Variants in LRP1 observed in about 807,000 individuals in gnomAD.
The protein encoded by LRP1 is LDL receptor related protein 1.
Under a neutral mutation model 541.5 loss-of-function variants are expected in LRP1, and 51 were observed. The ratio of observed to expected loss-of-function variants is 0.09; its 90% CI spans 0.08 to 0.12. The LOEUF (loss-of-function observed/expected upper bound fraction) is 0.12, where lower values mean the gene tolerates loss of function less well. Among genes scored for constraint, LRP1 ranks in the 10% least tolerant of loss-of-function variants. The pLI is 1.00. For synonymous variants in LRP1, 2,219 were observed against 2,470.8 expected (o/e 0.90, Z 3.02); for missense variants, 3,878 against 6,376.2 (o/e 0.61, Z 13.34).
Position 57,185,480 on chromosome 12 carries a change from G to A in LRP1, c.6464-51G>A. The A allele has an allele frequency of 6.6e-7, 1 of 1,520,388 alleles. No homozygotes were observed. The highest frequency in any genetic ancestry group is 8.8e-7 in the Non-Finnish European group (1 of 1,137,200). 94.2% of individuals were successfully genotyped at this position (1,520,388 alleles called of 1,614,324 possible). On this transcript the variant is annotated intron_variant, in intron 40 of 88. Transcript: ENST00000243077. This position sits in a 1 kb window ranked among gnomAD's most constrained non-coding sequence, Gnocchi z 4.9. ...CAAAGCCTGGATGACAAAGGCACCAGTGAGCCTTTCCCAAGGCAGGCCCTG... is the reference window on the plus strand; with the variant it reads ...CAAAGCCTGGATGACAAAGGCACCAATGAGCCTTTCCCAAGGCAGGCCCTG...
At chr12:57,167,604 C>G (rs2035865397) in intron 19 of LRP1, 80 bp downstream of exon 19, 1 of 1,145,594 alleles carries the variant, frequency 8.7e-7, no homozygotes, top group South Asian at 1.2e-5. Context: ...AGGCAAAGGG[C>G]TTCAGAATCC....
At position 57,194,714 on chromosome 12, in the gene LRP1, C is replaced by T. The variant is rs1312146999; in HGVS notation, c.8191+15C>T. 2 of 1,538,614 alleles carry T rather than the reference C, an allele frequency of 1.3e-6. No individual in the cohort carries two copies. Among genetic ancestry groups the T allele is most frequent in the Non-Finnish European group, 8.7e-7 (1 of 1,142,870 alleles). ...GACCCACTGCAGTGAGTGACCACTG[C>T]ACCCACTCAGTGCTCCAAGAGCCTG... On this transcript the variant is annotated intron_variant, in intron 50 of 88. Transcript: ENST00000243077.
intron 58 of LRP1, 135 bp from the exon 59 acceptor site, chr12:57,198,021 T>TG: frequency 1.4e-6 from 1 of 736,268 alleles, no homozygotes; most frequent in South Asian, 1.9e-5. Flanking sequence ...GGCATTTTAC[T>TG]TCCATGGTTC....
At position 57,205,881 on chromosome 12, in the gene LRP1, G is replaced by C. The variant is rs1339171392; in HGVS notation, c.11590+204G>C. ...GGCTGGCTGACTGAAGGAGTCTGGG[G>C]TGTGGCAGTGCTCTGAATTGCACAC... On this transcript the variant is annotated intron_variant, in intron 75 of 88. Transcript: ENST00000243077. The surrounding 1 kb of genome is among the most constrained non-coding windows in gnomAD (Gnocchi z 4.6). 1.4e-6 allele frequency: 1 copy of C among 704,144 alleles called. No individual in the cohort carries two copies. The highest frequency in any genetic ancestry group is 2.8e-5 in the East Asian group (1 of 36,360). The allele number at this position is 704,144 out of a possible 1,614,324, so 43.6% of individuals were successfully genotyped here. A position where few individuals can be genotyped will look rare whatever the true frequency, so the allele number is the denominator to read the frequency against.
chr12:57,146,356 C>T (rs1001635431), intron 6 of LRP1: 17 of 152,216 alleles, frequency 1.1e-4, no homozygotes, highest in Non-Finnish European at 1.8e-4. Flanking sequence ...AACCAGAATT[C>T]CCATCTCTGC....
rs952417178 is a variant in LRP1 at position 57,173,516 on chromosome 12, G to A, written c.3346+166G>A. Among the ~76,000 whole-genome samples the A allele has an allele frequency of 1.3e-5, 2 of 152,192 alleles. No individual in the cohort carries two copies. Among genetic ancestry groups the A allele is most frequent in the African/African-American group, 4.8e-5 (2 of 41,442 alleles). On this transcript the variant is annotated intron_variant, in intron 21 of 88. Coordinates refer to ENST00000243077, the MANE Select transcript of LRP1 (RefSeq NM_002332.3). This position sits in a 1 kb window ranked among gnomAD's most constrained non-coding sequence, Gnocchi z 4.7. Reference sequence around the variant, plus strand: ...CAGAGGAAGCTTGTGTGTCATGGGTGGGGGAAGGCATGAAGGGCCAGAGCC... The same window carrying A: ...CAGAGGAAGCTTGTGTGTCATGGGTAGGGGAAGGCATGAAGGGCCAGAGCC...
Position 57,162,697 on chromosome 12 carries a change from C to T in LRP1, c.2405-161C>T, listed in dbSNP as rs990452490. Among the ~76,000 whole-genome samples the T allele has an allele frequency of 1.1e-4, 16 of 152,156 alleles. No individual in the cohort carries two copies. Among genetic ancestry groups the T allele is most frequent in the African/African-American group, 3.9e-4 (16 of 41,440 alleles). On this transcript the variant is annotated intron_variant, in intron 14 of 88. Coordinates refer to ENST00000243077, the MANE Select transcript of LRP1 (RefSeq NM_002332.3). This position sits in a 1 kb window ranked among gnomAD's most constrained non-coding sequence, Gnocchi z 5.2. ...TGATTCTCTGTTCCCCATTTCCCTT[C>T]CTGCCCCATGTCTGTGTCTCCTGTT...
At position 57,128,820 on chromosome 12, in the gene LRP1, T is replaced by C. The variant is rs1171164163; in HGVS notation, c.-145T>C. 2 of 674,800 alleles carry C rather than the reference T, an allele frequency of 3.0e-6. No individual in the cohort carries two copies. The highest frequency in any genetic ancestry group is 3.6e-5 in the African/African-American group (2 of 55,092). 41.8% of individuals were successfully genotyped at this position (674,800 alleles called of 1,614,324 possible). A position where few individuals can be genotyped will look rare whatever the true frequency, so the allele number is the denominator to read the frequency against. On this transcript the variant is annotated 5_prime_UTR_variant, in exon 1 of 89. Coordinates refer to ENST00000243077, the MANE Select transcript of LRP1 (RefSeq NM_002332.3). ...AACTCTACCTCTTCACCCACGCCCC[T>C]GGTGCGCTTTGCCGAAGGAAAGAAT...
At position 57,184,242 on chromosome 12, in the gene LRP1, C is replaced by T; in HGVS notation, c.6059+28C>T. Reference sequence around the variant, plus strand: ...GAGGAGCTGGAAAGACTGGCCTTGTCATTCTGCCCATGGCCCATGCTGATG... The same window carrying T: ...GAGGAGCTGGAAAGACTGGCCTTGTTATTCTGCCCATGGCCCATGCTGATG... On this transcript the variant is annotated intron_variant, in intron 37 of 88. Transcript: ENST00000243077. This position sits in a 1 kb window ranked among gnomAD's most constrained non-coding sequence, Gnocchi z 7.8. 1 of 1,613,236 alleles carries T rather than the reference C, an allele frequency of 6.2e-7. No homozygotes were observed. The highest frequency in any genetic ancestry group is 1.1e-5 in the South Asian group (1 of 91,006).
chr12:57,158,393 C>T lies in LRP1; in HGVS notation c.1562-9C>T. On this transcript the variant is annotated splice_polypyrimidine_tract_variant and intron_variant, in intron 10 of 88. Transcript: ENST00000243077. The surrounding 1 kb of genome is among the most constrained non-coding windows in gnomAD (Gnocchi z 5.3). ...TGTCTGACTGTACCCTGGCTTGTGC[C>T]TGCTCTAGAGCCGGAGCATGAGCTG... The T allele has an allele frequency of 1.3e-6, 2 of 1,596,160 alleles. No homozygotes were observed. Among genetic ancestry groups the T allele is most frequent in the Middle Eastern group, 1.7e-4 (1 of 5,956 alleles).
At position 57,205,409 on chromosome 12, in the gene LRP1, C is replaced by T. The variant is rs760196640; in HGVS notation, c.11394C>T (p.Cys3798=). The T allele has an allele frequency of 1.4e-5, 22 of 1,608,648 alleles. No homozygotes were observed. Among genetic ancestry groups the T allele is most frequent in the Non-Finnish European group, 1.8e-5 (21 of 1,179,638 alleles). The change falls in exon 74 of 89, where the codon TGC becomes TGT. Residue 3798 remains cysteine, a synonymous_variant. Coordinates refer to ENST00000243077, the MANE Select transcript of LRP1 (RefSeq NM_002332.3). This position sits in a 1 kb window ranked among gnomAD's most constrained non-coding sequence, Gnocchi z 4.6. Reference sequence around the variant, plus strand: ...GCATCTGTGGGGACGAGGCACGCTGCGTGCGCACCGAGAAAGCGGCCTACT... The same window carrying T: ...GCATCTGTGGGGACGAGGCACGCTGTGTGCGCACCGAGAAAGCGGCCTACT... ...NASICGDEAR[C]VRTEKAAYCA...
chr12:57,162,720 G>A lies in LRP1; in HGVS notation c.2405-138G>A. ...TTCCTGCCCCATGTCTGTGTCTCCT[G>A]TTCTTCAACATGATCTTCTTCCTCT... On this transcript the variant is annotated intron_variant, in intron 14 of 88. Coordinates refer to ENST00000243077, the MANE Select transcript of LRP1 (RefSeq NM_002332.3). The surrounding 1 kb of genome is among the most constrained non-coding windows in gnomAD (Gnocchi z 5.2). 2 of 1,126,064 alleles carry A rather than the reference G, an allele frequency of 1.8e-6. No individual in the cohort carries two copies. The allele number at this position is 1,126,064 out of a possible 1,614,324, so 69.8% of individuals were successfully genotyped here.
Position 57,205,761 on chromosome 12 carries a change from C to G in LRP1, c.11590+84C>G, listed in dbSNP as rs1188762218. 85 of 1,556,338 alleles carry G rather than the reference C, an allele frequency of 5.5e-5. No individual in the cohort carries two copies. The highest frequency in any genetic ancestry group is 6.9e-5 in the Non-Finnish European group (80 of 1,152,086). Reference sequence around the variant, plus strand: ...ACGGGGCCGACTTGGAATGGAATGTCTTCCTGCGGACATCTTGCCCAGACA... The same window carrying G: ...ACGGGGCCGACTTGGAATGGAATGTGTTCCTGCGGACATCTTGCCCAGACA... On this transcript the variant is annotated intron_variant, in intron 75 of 88. Transcript: ENST00000243077. This position sits in a 1 kb window ranked among gnomAD's most constrained non-coding sequence, Gnocchi z 4.6.
intron 10 of LRP1, 124 bp downstream of exon 10, chr12:57,157,044 A>T (rs2035635949): frequency 1.5e-5 from 18 of 1,219,088 alleles, no homozygotes; most frequent in Non-Finnish European, 2.0e-5. Context: ...CCCAGAGTGT[A>T]CCTGCTAGTG....
At chr12:57,172,494 C>T (rs1048333836) in intron 20 of LRP1, among the ~76,000 whole-genome samples, 10 of 152,168 alleles carry the variant, frequency 6.6e-5, no homozygotes, top group African/African-American at 2.4e-4. Flanking sequence ...GAAGTGCTGG[C>T]GTAGTCCTAT....
Position 57,204,581 on chromosome 12 carries a change from C to T in LRP1, c.11072-46C>T, listed in dbSNP as rs759342524. On this transcript the variant is annotated intron_variant, in intron 71 of 88. Coordinates refer to ENST00000243077, the MANE Select transcript of LRP1 (RefSeq NM_002332.3). The surrounding 1 kb of genome is among the most constrained non-coding windows in gnomAD (Gnocchi z 5.3). ...CTTCCCAGTGGCCAGCAACCACCCC[C>T]ACTCCCAAGACTAATTCTGGCTCTG... 3 of 1,609,950 alleles carry T rather than the reference C, an allele frequency of 1.9e-6. No homozygotes were observed. In the African/African-American group the frequency reaches 4.0e-5, roughly 22 times the overall value.
At position 57,158,488 on chromosome 12, in the gene LRP1, G is replaced by C; in HGVS notation, c.1648G>C (p.Glu550Gln). The change falls in exon 11 of 89, where the codon GAG (glutamate) becomes CAG (glutamine). Residue 550 changes from glutamate (E) to glutamine (Q), a missense_variant. By Grantham distance (29) the Glu-to-Gln change is conservative. This residue lies in a region of LRP1 where 496 missense variants were observed against 861.0 expected (regional missense o/e 0.58). Coordinates refer to ENST00000243077, the MANE Select transcript of LRP1 (RefSeq NM_002332.3). This position sits in a 1 kb window ranked among gnomAD's most constrained non-coding sequence, Gnocchi z 5.3. ...GMDMGAKVPD[E>Q]HMIPIENLMN... ...GGATATGGGGGCCAAGGTCCCGGAT[G>C]AGCACATGATCCCCATTGAAAACCT... 6.2e-7 allele frequency: 1 copy of C among 1,614,192 alleles called. No individual in the cohort carries two copies. The highest frequency in any genetic ancestry group is 8.5e-7 in the Non-Finnish European group (1 of 1,180,018).
In LRP1 at chr12:57,198,599, G is replaced by A. The variant is rs757948752; in HGVS notation, c.9605G>A (p.Arg3202His). Residue 3202 changes from arginine to histidine, a missense_variant, in exon 60 of 89, where the codon CGC becomes CAC. Coordinates refer to ENST00000243077, the MANE Select transcript of LRP1 (RefSeq NM_002332.3). The part of the protein sequence containing the change: ...NGLTLDYVTE[R>H]IYWADAREDY... ...CTGACGCTGGACTATGTCACTGAGC[G>A]CATCTACTGGGCCGACGCCCGCGAG... The A allele has an allele frequency of 7.4e-6, 12 of 1,613,634 alleles. No homozygotes were observed. The highest frequency in any genetic ancestry group is 2.2e-5 in the South Asian group (2 of 91,032).
chr12:57,134,725 G>T (rs533076343), intron 1 of LRP1, among the ~76,000 whole-genome samples: 8 of 151,520 alleles, frequency 5.3e-5, no homozygotes, highest in Admixed American at 3.3e-4. Context: ...TTTCTTTTGA[G>T]ATGGAATCTC....
Sources: allele counts gnomAD v4.1 joint callset (sites outside exome capture counted in the v4.1 genomes callset), GRCh38; gene constraint gnomAD v4.1.1; regional missense constraint gnomAD v4.1.1; non-coding constraint Gnocchi (gnomAD v3.1); transcripts MANE v1.5; gene names NCBI Gene and HGNC (gene_info 2026-07-23, HGNC 2026-07-21).